Variants in GATB observed in about 807,000 individuals in gnomAD.
GATB encodes the protein glutamyl-tRNA(Gln) amidotransferase subunit B, mitochondrial.
GATB carries 39 observed loss-of-function variants against 62.3 expected under a neutral mutation model. The observed-to-expected ratio is 0.63, with a 90% CI of 0.48 to 0.82. The LOEUF is 0.82. Among genes scored for constraint, GATB ranks in the 40% least tolerant of loss-of-function variants. The pLI, the probability that GATB is intolerant of heterozygous loss-of-function variation, is 0.00. For synonymous variants in GATB, 276 were observed against 258.9 expected (o/e 1.07, Z -0.63); for missense variants, 670 against 684.0 (o/e 0.98, Z 0.23).
intron 12 of GATB, 113 bp from the exon 13 acceptor site, chr4:151,671,415 G>T: frequency 1.0e-6 from 1 of 1,000,272 alleles, no homozygotes; most frequent in African/African-American, 1.6e-5. Context: ...ATTTCCACTA[G>T]TATTAGACAT....
chr4:151,692,164 C>G (rs143654540), intron 9 of GATB, among the ~76,000 whole-genome samples: 1 of 152,316 alleles, frequency 6.6e-6, no homozygotes, highest in Non-Finnish European at 1.5e-5. Context: ...GAGCTCAGCG[C>G]TCTCAGGACT....
chr4:151,719,328 T>C lies in GATB; in HGVS notation c.441+97A>G, dbSNP rs1246041812. 4 of 832,900 alleles carry C rather than the reference T, an allele frequency of 4.8e-6. No homozygotes were observed. In the African/African-American group the frequency reaches 6.9e-5, roughly 14 times the overall value. 51.6% of individuals were successfully genotyped at this position (832,900 alleles called of 1,614,324 possible). ...ATGGACACAGTGCTGGCTGAAAACA[T>C]GAGAGGCACAGCCCCTTTCCCTTGC... On this transcript the variant is annotated intron_variant, in intron 3 of 12. Coordinates refer to ENST00000263985, the MANE Select transcript of GATB (RefSeq NM_004564.3).
At chr4:151,671,563 G>A (rs74634348) in intron 12 of GATB, among the ~76,000 whole-genome samples, 2 of 152,234 alleles carry the variant, frequency 1.3e-5, no homozygotes, top group East Asian at 1.9e-4. Context: ...AAGCTGGCAC[G>A]TGGGAGCCAG....
At chr4:151,721,984 A>T in intron 2 of GATB, 4 of 563,924 alleles carry the variant, frequency 7.1e-6, no homozygotes, top group African/African-American at 1.9e-5. Context: ...TCTTTTTTTG[A>T]TGATTTAGAA....
At chr4:151,698,826 G>A (rs1183233212) in intron 9 of GATB, among the ~76,000 whole-genome samples, 1 of 151,414 alleles carries the variant, frequency 6.6e-6, no homozygotes, top group Non-Finnish European at 1.5e-5. Flanking sequence ...AAATAAGGAC[G>A]TTTTTAAGGT....
intron 2 of GATB, among the ~76,000 whole-genome samples, chr4:151,755,430 C>G (rs1329343346): frequency 1.3e-5 from 2 of 152,212 alleles, no homozygotes; most frequent in Non-Finnish European, 2.9e-5. Context: ...AAAAATAGAT[C>G]TGCTATAGAC....
chr4:151,674,089 G>A (rs1737944406), intron 11 of GATB: 1 of 152,284 alleles, frequency 6.6e-6, no homozygotes, highest in Admixed American at 6.5e-5. Flanking sequence ...TGTGGCCAAG[G>A]AGGTGTGCTT....
Position 151,758,697 on chromosome 4 carries a change from C to T in GATB, c.327+75G>A, listed in dbSNP as rs1739884646. Reference sequence around the variant, plus strand: ...CCAAAGAGTTGTGTTATTATTAAAACAAGAAAATAATTTTCCATGTTCAAT... The same window carrying T: ...CCAAAGAGTTGTGTTATTATTAAAATAAGAAAATAATTTTCCATGTTCAAT... On this transcript the variant is annotated intron_variant, in intron 2 of 12. Transcript: ENST00000263985. 4.1e-6 allele frequency: 5 copies of T among 1,219,816 alleles called. No individual in the cohort carries two copies. The East Asian group carries it at 1.3e-4, about 32-fold the overall frequency. 75.6% of individuals were successfully genotyped at this position (1,219,816 alleles called of 1,614,324 possible).
rs560353015 is a variant in GATB, at chr4:151,685,263, T to C, written c.1331+3367A>G. ...CTCTCTGTTCCCACTGCACTGTGTC[T>C]AGTTCTAACACTGGAAGCATCCCAT... On this transcript the variant is annotated intron_variant, in intron 10 of 12. Coordinates refer to ENST00000263985, the MANE Select transcript of GATB (RefSeq NM_004564.3). 2.6e-5 allele frequency among the ~76,000 whole-genome samples: 4 copies of C among 152,312 alleles called. No homozygotes were observed. The East Asian group carries it at 7.7e-4, about 29-fold the overall frequency.
intron 2 of GATB, among the ~76,000 whole-genome samples, chr4:151,758,321 C>A (rs1266598176): frequency 6.6e-6 from 1 of 152,172 alleles, no homozygotes; most frequent in African/African-American, 2.4e-5. Context: ...ACCTAAAGTA[C>A]CCCTACTTCA....
intron 11 of GATB, chr4:151,673,221 G>A (rs1050860762): frequency 9.3e-6 from 2 of 214,088 alleles, no homozygotes; most frequent in Non-Finnish European, 1.9e-5. Flanking sequence ...GTGCCCAGAG[G>A]GATGGTGAGT....
At position 151,706,116 on chromosome 4, in the gene GATB, A is replaced by G. The variant is rs141192366; in HGVS notation, c.878-847T>C. On this transcript the variant is annotated intron_variant, in intron 6 of 12. Coordinates refer to ENST00000263985, the MANE Select transcript of GATB (RefSeq NM_004564.3). ...CAAAACGTGTCAGTTTTTGCTCCCCATCTCTCCCCAACTCCAGTGATCTCT... is the reference window on the plus strand; with the variant it reads ...CAAAACGTGTCAGTTTTTGCTCCCCGTCTCTCCCCAACTCCAGTGATCTCT... Among the ~76,000 whole-genome samples the G allele has an allele frequency of 5.9e-5, 9 of 152,264 alleles. No homozygotes were observed. The East Asian group carries it at 1.7e-3, about 29-fold the overall frequency.
intron 2 of GATB, chr4:151,722,298 A>G (rs1358875244): frequency 8.1e-5 from 56 of 687,430 alleles, no homozygotes; most frequent in Non-Finnish European, 1.1e-5. Flanking sequence ...TCTGCCCTCA[A>G]TGAATCCGCA....
chr4:151,673,604 C>T (rs1298945662), intron 11 of GATB: 5 of 152,112 alleles, frequency 3.3e-5, no homozygotes, highest in African/African-American at 7.2e-5. Flanking sequence ...GGATAATGAA[C>T]GCTAATGTTT....
At chr4:151,680,034 GCTCT>G in intron 10 of GATB, 143 bp from the exon 11 acceptor site, 1 of 643,636 alleles carries the variant, frequency 1.6e-6, no homozygotes, top group East Asian at 2.8e-5. Context: ...GGCCAACTGG[GCTCT>G]CTTTTATTTT....
At chr4:151,747,202 T>C (rs1464394437) in intron 2 of GATB, among the ~76,000 whole-genome samples, 1 of 152,210 alleles carries the variant, frequency 6.6e-6, no homozygotes, top group Non-Finnish European at 1.5e-5. Context: ...CAGATGTCAA[T>C]GCTTTAAAGC....
intron 2 of GATB, among the ~76,000 whole-genome samples, chr4:151,738,850 G>C (rs544507619): frequency 7.2e-5 from 11 of 152,192 alleles, no homozygotes; most frequent in Non-Finnish European, 1.6e-4. Flanking sequence ...GTAATCTGGT[G>C]CTTATACTAA....
At chr4:151,734,737 T>C (rs1483887335) in intron 2 of GATB, among the ~76,000 whole-genome samples, 3 of 152,162 alleles carry the variant, frequency 2.0e-5, no homozygotes, top group Admixed American at 6.5e-5. Flanking sequence ...AAAATAGGCA[T>C]AGACCAATGG....
At chr4:151,735,733 G>GTTATATATATATATATAT (rs1739357847) in intron 2 of GATB, among the ~76,000 whole-genome samples, 1 of 66,782 alleles carries the variant, frequency 1.5e-5, no homozygotes, top group Non-Finnish European at 2.8e-5. Context: ...AATAAACTGT[G>GTTATATATATATATATAT]GTGTATATAT....
Sources: gnomAD v4.1 joint callset for allele counts (sites outside exome capture counted in the v4.1 genomes callset) on GRCh38, gnomAD v4.1.1 for gene constraint, MANE v1.5 for transcripts, NCBI Gene and HGNC (gene_info 2026-07-23, HGNC 2026-07-21) for gene names.